INTS2: variants seen among roughly 807,000 people sequenced by gnomAD.
INTS2 encodes the protein KIAA1287.
INTS2 carries 57 observed loss-of-function variants against 139.6 expected under a neutral mutation model. That is an observed-to-expected ratio of 0.41 (90% CI 0.33 to 0.51). INTS2 has a LOEUF of 0.51. Ranked by LOEUF, INTS2 falls within the 20% of genes least tolerant of loss-of-function variation. INTS2 has a pLI of 0.28. For synonymous variants in INTS2, 473 were observed against 493.4 expected, an observed-to-expected ratio of 0.96 and a Z score of 0.55; for missense variants, 1,196 against 1,436.7, an observed-to-expected ratio of 0.83 and a Z score of 2.71.
chr17:61,920,087 C>T (rs2079623398), intron 4 of INTS2, among the ~76,000 whole-genome samples: 2 of 151,146 alleles, frequency 1.3e-5, no homozygotes, highest in Non-Finnish European at 2.9e-5. Context: ...TCCACAGCCA[C>T]AAAGAACACT....
chr17:61,885,219 G>C, intron 15 of INTS2: 1 of 540,802 alleles, frequency 1.8e-6, no homozygotes, highest in Non-Finnish European at 3.3e-6. Context: ...AAAATGTCCT[G>C]AAATTTAAAA....
chr17:61,872,121 C>G lies in INTS2; in HGVS notation c.2778+144G>C. 2.1e-6 allele frequency: 1 copy of G among 480,706 alleles called. No individual in the cohort carries two copies. 29.8% of individuals were successfully genotyped at this position (480,706 alleles called of 1,614,324 possible). ...TGATACTCAGAAGCAAAGGTAACAT[C>G]ATTGTAATAGATTCTATAATAAAAG... On this transcript the variant is annotated intron_variant, in intron 20 of 24. Transcript: ENST00000251334. This position sits in a 1 kb window ranked among gnomAD's most constrained non-coding sequence, Gnocchi z 4.8.
intron 9 of INTS2, among the ~76,000 whole-genome samples, chr17:61,900,357 C>G (rs963920478): frequency 6.6e-6 from 1 of 152,182 alleles, no homozygotes; most frequent in Non-Finnish European, 1.5e-5. Flanking sequence ...ATACCCTTCC[C>G]TCAGCAGAGA....
intron 9 of INTS2, 65 bp downstream of exon 9, chr17:61,904,395 T>C (rs2079439510): frequency 9.5e-6 from 11 of 1,158,694 alleles, no homozygotes; most frequent in Non-Finnish European, 1.1e-5. Context: ...TCTAATGCTA[T>C]ACAATTTTAT....
chr17:61,875,027 A>T lies in INTS2; in HGVS notation c.2468T>A (p.Met823Lys). The T allele has an allele frequency of 6.3e-7, 1 of 1,593,264 alleles. No homozygotes were observed. Among genetic ancestry groups the T allele is most frequent in the Non-Finnish European group, 8.6e-7 (1 of 1,168,970 alleles). The change falls in exon 19 of 25, where the codon ATG (methionine) becomes AAG (lysine). Residue 823 changes from methionine (M) to lysine (K), a missense_variant. Met to Lys is a moderately conservative substitution (Grantham distance 95). Coordinates refer to ENST00000251334, the MANE Select transcript of INTS2 (RefSeq NM_001351695.2). This position sits in a 1 kb window ranked among gnomAD's most constrained non-coding sequence, Gnocchi z 4.6. Reference protein sequence around the residue: ...NTVMPRRLWVMTVNALQPSIK... With the variant: ...NTVMPRRLWVKTVNALQPSIK... Reference sequence around the variant, plus strand: ...TGAAGGCTGAAGTGCATTAACCGTCATTACCCATAGCCTGATAAGAAAATA... The same window carrying T: ...TGAAGGCTGAAGTGCATTAACCGTCTTTACCCATAGCCTGATAAGAAAATA...
At position 61,921,836 on chromosome 17, in the gene INTS2, A is replaced by AC; in HGVS notation, c.433-10_433-9insG. ...CCGTTGGACTCAGACACCTTAAAAA[A>AC]GAAAAAAAAAAGATATAAACTCTAT... is the stretch of plus-strand genomic sequence containing the variant. On this transcript the variant is annotated splice_polypyrimidine_tract_variant and intron_variant, in intron 3 of 24. Coordinates refer to ENST00000251334, the MANE Select transcript of INTS2 (RefSeq NM_001351695.2). 7.1e-7 allele frequency: 1 copy of AC among 1,406,974 alleles called. No individual in the cohort carries two copies. The highest frequency in any genetic ancestry group is 9.8e-7 in the Non-Finnish European group (1 of 1,016,504). The allele number at this position is 1,406,974 out of a possible 1,614,324, so 87.2% of individuals were successfully genotyped here. A position where few individuals can be genotyped will look rare whatever the true frequency, so the allele number is the denominator to read the frequency against.
intron 11 of INTS2, among the ~76,000 whole-genome samples, chr17:61,896,603 C>A (rs1206320227): frequency 6.6e-6 from 1 of 152,066 alleles, no homozygotes; most frequent in East Asian, 1.9e-4. Flanking sequence ...AAAGTCCCTA[C>A]AGGAAAATTA....
At chr17:61,888,564 C>CGTGCGTGCGTGCGTGTGT (rs755542102) in intron 15 of INTS2, among the ~76,000 whole-genome samples, 5 of 119,596 alleles carry the variant, frequency 4.2e-5, no homozygotes, top group African/African-American at 1.4e-4. Flanking sequence ...TGTGTGCGTG[C>CGTGCGTGCGTGCGTGTGT]GTGTGTGTGT....
intron 9 of INTS2, among the ~76,000 whole-genome samples, chr17:61,902,449 T>C (rs1164650925): frequency 6.6e-6 from 1 of 152,170 alleles, no homozygotes; most frequent in Non-Finnish European, 1.5e-5. Context: ...AACAGCTTTA[T>C]TGAGATGTAA....
chr17:61,927,772 A>C lies in INTS2; in HGVS notation c.-137T>G. 1.9e-6 allele frequency: 3 copies of C among 1,571,342 alleles called. No individual in the cohort carries two copies. The highest frequency in any genetic ancestry group is 2.6e-6 in the Non-Finnish European group (3 of 1,159,164). Reference sequence around the variant, plus strand: ...GGGCCTAGGCGATATCCGGAACCCCAAACCCTAGTTGTGCCTCGAGTCGAC... The same window carrying C: ...GGGCCTAGGCGATATCCGGAACCCCCAACCCTAGTTGTGCCTCGAGTCGAC... On this transcript the variant is annotated 5_prime_UTR_variant, in exon 1 of 25. Coordinates refer to ENST00000251334, the MANE Select transcript of INTS2 (RefSeq NM_001351695.2).
At chr17:61,918,191 T>C (rs1369191481) in intron 5 of INTS2, among the ~76,000 whole-genome samples, 1 of 152,192 alleles carries the variant, frequency 6.6e-6, no homozygotes. Context: ...CTTAAAAAAG[T>C]CAGGGAACTA....
Position 61,891,625 on chromosome 17 carries a change from A to G in INTS2, c.1763T>C (p.Ile588Thr). Residue 588 changes from isoleucine to threonine, a missense_variant, in exon 14 of 25, where the codon ATT becomes ACT. Transcript: ENST00000251334. ...TPLHPQLLPLIDVYINSILTP... is the reference protein window; with the variant it reads ...TPLHPQLLPLTDVYINSILTP... ...AAGTATAGAATTTATGTACACATCA[A>G]TCAAAGGAAGTAATTGAGGATGAAG... 4 of 1,613,348 alleles carry G rather than the reference A, an allele frequency of 2.5e-6. No homozygotes were observed. The highest frequency in any genetic ancestry group is 3.4e-6 in the Non-Finnish European group (4 of 1,179,360).
In INTS2 at chr17:61,882,185, A is replaced by C. The variant is rs56267713; in HGVS notation, c.2090-1014T>G. On this transcript the variant is annotated intron_variant, in intron 16 of 24. Coordinates refer to ENST00000251334, the MANE Select transcript of INTS2 (RefSeq NM_001351695.2). The surrounding 1 kb of genome is among the most constrained non-coding windows in gnomAD (Gnocchi z 4.7). ...TTCATACAAAGTAAGCAATGCCTCC[A>C]TTCTACTGTAAGGAACAAACAATGC... 0.19 allele frequency among the ~76,000 whole-genome samples: 28,754 copies of C among 152,166 alleles called. 3,187 individuals carry two copies. The highest frequency in any genetic ancestry group is 0.31 in the Admixed American group (4,723 of 15,280).
rs79589556 is a variant in INTS2 at position 61,883,311 on chromosome 17, G to C, written c.2089+1590C>G. On this transcript the variant is annotated intron_variant, in intron 16 of 24. Coordinates refer to ENST00000251334, the MANE Select transcript of INTS2 (RefSeq NM_001351695.2). ...GCTCTTCACTTGAGGTCAGGAGTTC[G>C]AGACTAGCCTAACCAACATGATGAA... is the stretch of plus-strand genomic sequence containing the variant. Among the ~76,000 whole-genome samples, 1,284 of 145,988 alleles carry C rather than the reference G, an allele frequency of 8.8e-3. 55 individuals carry two copies. The East Asian group carries it at 0.14, about 16-fold the overall frequency.
Position 61,893,643 on chromosome 17 carries a change from C to A in INTS2, c.1698+122G>T, listed in dbSNP as rs1334422664. 1 of 610,198 alleles carries A rather than the reference C, an allele frequency of 1.6e-6. No individual in the cohort carries two copies. The highest frequency in any genetic ancestry group is 1.9e-5 in the African/African-American group (1 of 51,470). The allele number at this position is 610,198 out of a possible 1,614,324, so 37.8% of individuals were successfully genotyped here. On this transcript the variant is annotated intron_variant, in intron 13 of 24. Transcript: ENST00000251334. This position sits in a 1 kb window ranked among gnomAD's most constrained non-coding sequence, Gnocchi z 5.4. The stretch of plus-strand genomic sequence containing the variant: ...CCAGGAGGCAGAGGTTACAGTGAGC[C>A]AAGACTGCACCACTGCACTCCAACC...
In INTS2 at chr17:61,872,753, G is replaced by A. The variant is rs1364772580; in HGVS notation, c.2583-293C>T. Among the ~76,000 whole-genome samples, 3 of 152,008 alleles carry A rather than the reference G, an allele frequency of 2.0e-5. No individual in the cohort carries two copies. The highest frequency in any genetic ancestry group is 7.2e-5 in the African/African-American group (3 of 41,382). Reference sequence around the variant, plus strand: ...TGCGGGCAAAACAATATTGCATGAAGAAAAACTGTAATACACGTACAAAAA... The same window carrying A: ...TGCGGGCAAAACAATATTGCATGAAAAAAAACTGTAATACACGTACAAAAA... On this transcript the variant is annotated intron_variant, in intron 19 of 24. Coordinates refer to ENST00000251334, the MANE Select transcript of INTS2 (RefSeq NM_001351695.2). This position sits in a 1 kb window ranked among gnomAD's most constrained non-coding sequence, Gnocchi z 4.8.
At chr17:61,884,369 T>G (rs2079206015) in intron 16 of INTS2, among the ~76,000 whole-genome samples, 1 of 152,078 alleles carries the variant, frequency 6.6e-6, no homozygotes, top group South Asian at 2.1e-4. Context: ...CGCACATGCC[T>G]GTAATCCCAG....
Position 61,889,690 on chromosome 17 carries a change from A to G in INTS2, c.1984+96T>C, listed in dbSNP as rs546517851. 6 of 615,244 alleles carry G rather than the reference A, an allele frequency of 9.8e-6. No individual in the cohort carries two copies. The East Asian group carries it at 1.4e-4, about 15-fold the overall frequency. 38.1% of individuals were successfully genotyped at this position (615,244 alleles called of 1,614,324 possible). A position where few individuals can be genotyped will look rare whatever the true frequency, so the allele number is the denominator to read the frequency against. ...TATAAAATGATACTAGAGTTTATTA[A>G]AATATTGCCCTTATCAAAGAACAGT... On this transcript the variant is annotated intron_variant, in intron 15 of 24. Coordinates refer to ENST00000251334, the MANE Select transcript of INTS2 (RefSeq NM_001351695.2).
At chr17:61,923,370 G>A (rs1187244283) in intron 3 of INTS2, among the ~76,000 whole-genome samples, 4 of 150,516 alleles carry the variant, frequency 2.7e-5, no homozygotes, top group Non-Finnish European at 1.5e-5. Flanking sequence ...CCAGCTACTC[G>A]GGAGGCTGAG....
Sources: gnomAD v4.1 joint callset for allele counts (sites outside exome capture counted in the v4.1 genomes callset) on GRCh38, gnomAD v4.1.1 for gene constraint, Gnocchi (gnomAD v3.1) non-coding constraint, MANE v1.5 for transcripts, NCBI Gene and HGNC (gene_info 2026-07-23, HGNC 2026-07-21) for gene names.